The following CDYL2 variants were observed in gnomAD, a reference collection of about 807,000 sequenced individuals.
CDYL2 encodes the protein chromodomain Y like 2.
In CDYL2, 23 loss-of-function variants were observed where a neutral mutation model predicts 49.4. The observed-to-expected ratio is 0.47, with a 90% CI of 0.34 to 0.66. The LOEUF is 0.66. CDYL2 is among the 30% of genes least tolerant of loss of function. The pLI, the probability that CDYL2 is intolerant of heterozygous loss-of-function variation, is 0.01. For synonymous variants in CDYL2, 360 were observed against 268.8 expected (o/e 1.34, Z -3.32); for missense variants, 678 against 656.4 (o/e 1.03, Z -0.36).
At chr16:80,736,334 T>G (rs1210898704) in intron 1 of CDYL2, 2 of 152,248 alleles carry the variant, frequency 1.3e-5, no homozygotes, top group Non-Finnish European at 2.9e-5. Context: ...AGTGACTCCT[T>G]GCGTGAGTTT....
chr16:80,665,045 C>T (rs1008254741), intron 2 of CDYL2, among the ~76,000 whole-genome samples: 1 of 152,114 alleles, frequency 6.6e-6, no homozygotes, highest in Non-Finnish European at 1.5e-5. Context: ...CATGCTGAGA[C>T]CTGCTTCTAG....
At chr16:80,736,475 A>T (rs1336024720) in intron 1 of CDYL2, 1 of 152,268 alleles carries the variant, frequency 6.6e-6, no homozygotes, top group Non-Finnish European at 1.5e-5. Flanking sequence ...CTGAACCCCC[A>T]GTCTCTTGAA....
rs1906179597 is a variant in CDYL2, at chr16:80,603,337, T to A, written c.*1051A>T. On this transcript the variant is annotated 3_prime_UTR_variant, in exon 7 of 7. Transcript: ENST00000570137. The stretch of plus-strand genomic sequence containing the variant: ...CAACATCACGCAATTTGGGACTGGG[T>A]CTGTTTCAGGATCATTCAGGCTAAG... 6.6e-6 allele frequency: 1 copy of A among 152,168 alleles called. No individual in the cohort carries two copies. The highest frequency in any genetic ancestry group is 2.4e-5 in the African/African-American group (1 of 41,422). 9.4% of individuals were successfully genotyped at this position (152,168 alleles called of 1,614,324 possible).
intron 4 of CDYL2, among the ~76,000 whole-genome samples, chr16:80,616,326 T>C (rs990377230): frequency 1.3e-5 from 2 of 152,192 alleles, no homozygotes; most frequent in South Asian, 4.1e-4. Flanking sequence ...AGTGCTGACA[T>C]GCAGGGAGCA....
At chr16:80,757,667 T>A (rs1379448920) in intron 1 of CDYL2, among the ~76,000 whole-genome samples, 1 of 151,862 alleles carries the variant, frequency 6.6e-6, no homozygotes, top group Non-Finnish European at 1.5e-5. Flanking sequence ...TGACATTTTA[T>A]ATATTTAACA....
chr16:80,656,099 A>T (rs1380111281), intron 2 of CDYL2, among the ~76,000 whole-genome samples: 1 of 152,220 alleles, frequency 6.6e-6, no homozygotes, highest in African/African-American at 2.4e-5. Context: ...AATCTTACTT[A>T]GTATTTTAAA....
At chr16:80,638,173 C>T (rs1907925068) in intron 2 of CDYL2, among the ~76,000 whole-genome samples, 1 of 152,094 alleles carries the variant, frequency 6.6e-6, no homozygotes, top group Non-Finnish European at 1.5e-5. Context: ...CTCCTAGGCT[C>T]AAACTATATT....
rs199903087 is a variant in CDYL2 at position 80,679,287 on chromosome 16, T to TAAAC, written c.616+5250_616+5251insGTTT. Among the ~76,000 whole-genome samples, 19 of 133,100 alleles carry TAAAC rather than the reference T, an allele frequency of 1.4e-4. No homozygotes were observed. The East Asian group carries it at 3.0e-3, about 21-fold the overall frequency. 87.3% of individuals were successfully genotyped at this position (133,100 alleles called of 152,430 possible). On this transcript the variant is annotated intron_variant, in intron 2 of 6. Coordinates refer to ENST00000570137, the MANE Select transcript of CDYL2 (RefSeq NM_152342.4). ...TAATAAAAATATATAAATAAATAAA[T>TAAAC]AAATAAACAAACAAGGAGGGTGTCA... is the stretch of plus-strand genomic sequence containing the variant.
At chr16:80,641,843 C>T (rs912623157) in intron 2 of CDYL2, among the ~76,000 whole-genome samples, 1 of 150,922 alleles carries the variant, frequency 6.6e-6, no homozygotes, top group Admixed American at 6.6e-5. Context: ...CACATGTATA[C>T]ATATGTAACA....
intron 5 of CDYL2, among the ~76,000 whole-genome samples, chr16:80,611,506 G>A (rs1024706641): frequency 3.3e-5 from 5 of 152,234 alleles, no homozygotes; most frequent in Admixed American, 2.0e-4. Context: ...TGCCTCCAAC[G>A]CCTACTCGGA....
Position 80,778,227 on chromosome 16 carries a change from G to A in CDYL2, c.24+25923C>T, listed in dbSNP as rs190707737. 2.7e-3 allele frequency among the ~76,000 whole-genome samples: 411 copies of A among 151,968 alleles called. 3 individuals are homozygous for A. The highest frequency in any genetic ancestry group is 7.1e-3 in the African/African-American group (294 of 41,508). ...TTAATTCATGGTGAAACAAAAAGCAGTTTTATTGAATGAGAAACAAGAAAC... is the reference window on the plus strand; with the variant it reads ...TTAATTCATGGTGAAACAAAAAGCAATTTTATTGAATGAGAAACAAGAAAC... On this transcript the variant is annotated intron_variant, in intron 1 of 6. Coordinates refer to ENST00000570137, the MANE Select transcript of CDYL2 (RefSeq NM_152342.4).
At chr16:80,673,346 AAAAATCAACAAG>A (rs1443149412) in intron 2 of CDYL2, among the ~76,000 whole-genome samples, 1 of 152,174 alleles carries the variant, frequency 6.6e-6, no homozygotes, top group Non-Finnish European at 1.5e-5. Context: ...ATAATTTTAA[AAAAATCAACAAG>A]TGAATTTAAG....
chr16:80,618,035 A>G (rs2167671), intron 4 of CDYL2, among the ~76,000 whole-genome samples: 51,942 of 152,050 alleles, frequency 0.34, 11,997 homozygotes, highest in African/African-American at 0.66. Flanking sequence ...GTCAGGGCTG[A>G]GAACCAGTGG....
chr16:80,767,936 A>T (rs1201886740), intron 1 of CDYL2, among the ~76,000 whole-genome samples: 1 of 152,172 alleles, frequency 6.6e-6, no homozygotes, highest in Non-Finnish European at 1.5e-5. Flanking sequence ...GCTTCTCTGG[A>T]GCAACTTTAC....
intron 2 of CDYL2, among the ~76,000 whole-genome samples, chr16:80,661,154 C>A (rs899013943): frequency 6.6e-6 from 1 of 152,056 alleles, no homozygotes; most frequent in African/African-American, 2.4e-5. Context: ...TACAGAACAC[C>A]ACCACATTCC....
At chr16:80,798,822 C>G (rs1277707637) in intron 1 of CDYL2, among the ~76,000 whole-genome samples, 1 of 135,772 alleles carries the variant, frequency 7.4e-6, no homozygotes, top group East Asian at 2.2e-4. Flanking sequence ...TATGCAAATA[C>G]ATAATTGTGT....
At chr16:80,775,087 T>C (rs1907037527) in intron 1 of CDYL2, among the ~76,000 whole-genome samples, 1 of 151,920 alleles carries the variant, frequency 6.6e-6, no homozygotes, top group African/African-American at 2.4e-5. Flanking sequence ...ATATTCAACA[T>C]AATTACATAT....
At chr16:80,676,499 G>T (rs1377207066) in intron 2 of CDYL2, among the ~76,000 whole-genome samples, 1 of 152,152 alleles carries the variant, frequency 6.6e-6, no homozygotes, top group Non-Finnish European at 1.5e-5. Flanking sequence ...GAGCCTTCCT[G>T]AACCAGTTTC....
At chr16:80,701,405 G>A (rs1904300243) in intron 1 of CDYL2, among the ~76,000 whole-genome samples, 2 of 152,034 alleles carry the variant, frequency 1.3e-5, no homozygotes, top group Non-Finnish European at 2.9e-5. Flanking sequence ...CTTCTGTAAA[G>A]CTTTTTTTCA....
Sources: allele counts gnomAD v4.1 joint callset (sites outside exome capture counted in the v4.1 genomes callset), GRCh38; gene constraint gnomAD v4.1.1; transcripts MANE v1.5; gene names NCBI Gene and HGNC (gene_info 2026-07-23, HGNC 2026-07-21).